The following NET1 variants were observed in gnomAD, a reference collection of about 807,000 sequenced individuals.
NET1 encodes the protein neuroepithelial cell transforming 1, also known as neuroepithelial cell-transforming gene 1 protein.
A neutral mutation model predicts 61.1 loss-of-function variants in NET1; 42 were observed. That is an observed-to-expected ratio of 0.69 (90% CI 0.54 to 0.89). The LOEUF is 0.89. NET1 is among the 40% of genes least tolerant of loss of function. The probability of loss-of-function intolerance (pLI) is 0.00; values close to 1 mark genes in which losing one functional copy is unlikely to be tolerated. For synonymous variants in NET1, 254 were observed against 281.8 expected, an observed-to-expected ratio of 0.90 and a Z score of 0.99; for missense variants, 654 against 747.3, an observed-to-expected ratio of 0.88 and a Z score of 1.46.
chr10:5,456,090 CTTTA>C lies in NET1; in HGVS notation c.1202_1205del (p.Leu401ProfsTer11). 6.2e-7 allele frequency: 1 copy of C among 1,609,520 alleles called. No homozygotes were observed. The highest frequency in any genetic ancestry group is 8.5e-7 in the Non-Finnish European group (1 of 1,177,622). On this transcript the variant is annotated frameshift_variant, in exon 11 of 12. Transcript: ENST00000355029. LOFTEE classifies it high-confidence loss of function. The surrounding 1 kb of genome is among the most constrained non-coding windows in gnomAD (Gnocchi z 7.0). Reference sequence around the variant, plus strand: ...CGTTTGTTTCCCATTTCTCCAGAAACTTTACATTTTCCTGTTTCAAGACATCTTG... The same window carrying C: ...CGTTTGTTTCCCATTTCTCCAGAAACCATTTTCCTGTTTCAAGACATCTTG...
rs952865779 is a variant in NET1, at chr10:5,421,205, T to C, written c.129-5450T>C. On this transcript the variant is annotated intron_variant, in intron 1 of 11. Coordinates refer to ENST00000355029, the MANE Select transcript of NET1 (RefSeq NM_001047160.3). This position sits in a 1 kb window ranked among gnomAD's most constrained non-coding sequence, Gnocchi z 4.2. Reference sequence around the variant, plus strand: ...TCTCTAAATCTCACTTCATAGTACCTATGTCTAAGGTCCTGAAAATTGGAC... The same window carrying C: ...TCTCTAAATCTCACTTCATAGTACCCATGTCTAAGGTCCTGAAAATTGGAC... 3.3e-5 allele frequency among the ~76,000 whole-genome samples: 5 copies of C among 152,226 alleles called. No homozygotes were observed. The highest frequency in any genetic ancestry group is 7.2e-5 in the African/African-American group (3 of 41,462).
rs1334852960 is a variant in NET1 at position 5,423,332 on chromosome 10, A to C, written c.129-3323A>C. 6.6e-6 allele frequency among the ~76,000 whole-genome samples: 1 copy of C among 152,192 alleles called. No individual in the cohort carries two copies. The highest frequency in any genetic ancestry group is 1.9e-4 in the East Asian group (1 of 5,198). ...GGTGACACAAATCAGAAACTCTGAA[A>C]ACATAATTTGGCTTAAGAATGAATT... On this transcript the variant is annotated intron_variant, in intron 1 of 11. Transcript: ENST00000355029. The surrounding 1 kb of genome is among the most constrained non-coding windows in gnomAD (Gnocchi z 4.4).
chr10:5,420,635 C>T lies in NET1; in HGVS notation c.129-6020C>T, dbSNP rs999024258. Among the ~76,000 whole-genome samples, 3 of 151,934 alleles carry T rather than the reference C, an allele frequency of 2.0e-5. No homozygotes were observed. Among genetic ancestry groups the T allele is most frequent in the Non-Finnish European group, 4.4e-5 (3 of 67,962 alleles). The stretch of plus-strand genomic sequence containing the variant: ...TTTTTGAGATGGAGTCTTGCTCTGT[C>T]GCCAGGCTGGAGTGCAGTGGCGCGA... On this transcript the variant is annotated intron_variant, in intron 1 of 11. Transcript: ENST00000355029. The surrounding 1 kb of genome is among the most constrained non-coding windows in gnomAD (Gnocchi z 5.3).
At position 5,452,547 on chromosome 10, in the gene NET1, A is replaced by G. The variant is rs371976879; in HGVS notation, c.531+22A>G. The G allele has an allele frequency of 5.1e-6, 8 of 1,577,980 alleles. No individual in the cohort carries two copies. The highest frequency in any genetic ancestry group is 1.2e-5 in the South Asian group (1 of 85,532). ...GGAGGTATGCTGGCACTCAGTGTAC[A>G]TGTTTTCCCAAAAGAACAGCAAATT... On this transcript the variant is annotated intron_variant, in intron 5 of 11. Transcript: ENST00000355029. The surrounding 1 kb of genome is among the most constrained non-coding windows in gnomAD (Gnocchi z 4.0).
chr10:5,458,648 G>A lies in NET1; in HGVS notation c.*1654G>A, dbSNP rs550433368. On this transcript the variant is annotated 3_prime_UTR_variant, in exon 12 of 12. Coordinates refer to ENST00000355029, the MANE Select transcript of NET1 (RefSeq NM_001047160.3). The surrounding 1 kb of genome is among the most constrained non-coding windows in gnomAD (Gnocchi z 4.5). ...TGTTAGGAAATCTTTTAAGAACATG[G>A]TGTAATCAGACACAGCAATTGTATT... Among the ~76,000 whole-genome samples the A allele has an allele frequency of 8.5e-4, 129 of 152,272 alleles. No homozygotes were observed. The highest frequency in any genetic ancestry group is 1.4e-3 in the Admixed American group (21 of 15,290).
In NET1 at chr10:5,456,448, A is replaced by G; in HGVS notation, c.1385-140A>G. The G allele has an allele frequency of 9.5e-7, 1 of 1,052,442 alleles. No individual in the cohort carries two copies. The highest frequency in any genetic ancestry group is 2.6e-5 in the East Asian group (1 of 38,412). 65.2% of individuals were successfully genotyped at this position (1,052,442 alleles called of 1,614,324 possible). A position where few individuals can be genotyped will look rare whatever the true frequency, so the allele number is the denominator to read the frequency against. ...CACCCGCAGGTGTATCTAAGAAATA[A>G]TGCATAGGCTTAATGTATTCACATT... is the stretch of plus-strand genomic sequence containing the variant. On this transcript the variant is annotated intron_variant, in intron 11 of 11. Transcript: ENST00000355029. The surrounding 1 kb of genome is among the most constrained non-coding windows in gnomAD (Gnocchi z 7.0).
In NET1 at chr10:5,452,547, A is replaced by T. The variant is rs371976879; in HGVS notation, c.531+22A>T. On this transcript the variant is annotated intron_variant, in intron 5 of 11. Coordinates refer to ENST00000355029, the MANE Select transcript of NET1 (RefSeq NM_001047160.3). The surrounding 1 kb of genome is among the most constrained non-coding windows in gnomAD (Gnocchi z 4.0). ...GGAGGTATGCTGGCACTCAGTGTAC[A>T]TGTTTTCCCAAAAGAACAGCAAATT... The T allele has an allele frequency of 6.3e-7, 1 of 1,578,098 alleles. No individual in the cohort carries two copies. The highest frequency in any genetic ancestry group is 8.6e-7 in the Non-Finnish European group (1 of 1,162,714).
Position 5,421,839 on chromosome 10 carries a change from T to G in NET1, c.129-4816T>G, listed in dbSNP as rs1438347523. Among the ~76,000 whole-genome samples, 2 of 152,224 alleles carry G rather than the reference T, an allele frequency of 1.3e-5. No homozygotes were observed. Among genetic ancestry groups the G allele is most frequent in the African/African-American group, 4.8e-5 (2 of 41,454 alleles). ...GCTTTCTAGCTCTATAAATTTCTAT[T>G]TTCAGGACATACAAGTGGAATCATA... On this transcript the variant is annotated intron_variant, in intron 1 of 11. Transcript: ENST00000355029. The surrounding 1 kb of genome is among the most constrained non-coding windows in gnomAD (Gnocchi z 4.2).
Position 5,446,616 on chromosome 10 carries a change from T to C in NET1, c.256-5214T>C. ...TTGCTGCCTGCGGCTCTCAGAAGCC[T>C]CTGCTCCACCGCGGCGAGAGGCATG... On this transcript the variant is annotated intron_variant, in intron 3 of 11. Coordinates refer to ENST00000355029, the MANE Select transcript of NET1 (RefSeq NM_001047160.3). The surrounding 1 kb of genome is among the most constrained non-coding windows in gnomAD (Gnocchi z 5.0). 2.4e-6 allele frequency: 3 copies of C among 1,252,270 alleles called. No individual in the cohort carries two copies. Among genetic ancestry groups the C allele is most frequent in the Non-Finnish European group, 3.0e-6 (3 of 994,970 alleles). 77.6% of individuals were successfully genotyped at this position (1,252,270 alleles called of 1,614,324 possible).
Position 5,453,428 on chromosome 10 carries a change from T to C in NET1, c.692-56T>C. On this transcript the variant is annotated intron_variant, in intron 7 of 11. Coordinates refer to ENST00000355029, the MANE Select transcript of NET1 (RefSeq NM_001047160.3). The surrounding 1 kb of genome is among the most constrained non-coding windows in gnomAD (Gnocchi z 4.9). ...TCAGTCTAAACTTCTAATGTAGTGC[T>C]GACCTATTTTTTAAATAAACCTGTT... The C allele has an allele frequency of 6.3e-7, 1 of 1,590,658 alleles. No homozygotes were observed. The highest frequency in any genetic ancestry group is 8.6e-7 in the Non-Finnish European group (1 of 1,158,614).
Position 5,435,546 on chromosome 10 carries a change from TA to T in NET1, c.255+6318del, listed in dbSNP as rs1376971239. On this transcript the variant is annotated intron_variant, in intron 3 of 11. Transcript: ENST00000355029. This position sits in a 1 kb window ranked among gnomAD's most constrained non-coding sequence, Gnocchi z 5.0. ...ATAGATAGATAGACAGACAGACAGA[TA>T]GATAGATAGATAGATAAAATAGATA... Among the ~76,000 whole-genome samples, 1 of 118,290 alleles carries T rather than the reference TA, an allele frequency of 8.5e-6. No homozygotes were observed. Among genetic ancestry groups the T allele is most frequent in the African/African-American group, 3.0e-5 (1 of 33,606 alleles). The allele number at this position is 118,290 out of a possible 152,430, so 77.6% of individuals were successfully genotyped here.
chr10:5,452,697 C>G lies in NET1; in HGVS notation c.532-161C>G. 1.1e-6 allele frequency: 1 copy of G among 909,096 alleles called. No homozygotes were observed. The highest frequency in any genetic ancestry group is 1.7e-6 in the Non-Finnish European group (1 of 603,380). The allele number at this position is 909,096 out of a possible 1,614,324, so 56.3% of individuals were successfully genotyped here. A position where few individuals can be genotyped will look rare whatever the true frequency, so the allele number is the denominator to read the frequency against. On this transcript the variant is annotated intron_variant, in intron 5 of 11. Transcript: ENST00000355029. This position sits in a 1 kb window ranked among gnomAD's most constrained non-coding sequence, Gnocchi z 4.0. ...ACTCTAATAGGGTAAACTTACCAAA[C>G]ATACGGCAACCTTGTATTTGAGATT...
chr10:5,423,733 A>T lies in NET1; in HGVS notation c.129-2922A>T, dbSNP rs1157116013. Among the ~76,000 whole-genome samples the T allele has an allele frequency of 2.6e-5, 4 of 152,142 alleles. No homozygotes were observed. The highest frequency in any genetic ancestry group is 5.9e-5 in the Non-Finnish European group (4 of 68,002). ...CTCTGGAAAAATAACTTGCAATCTTAATGTTTTATGAAATCATTTTTTTCC... is the reference window on the plus strand; with the variant it reads ...CTCTGGAAAAATAACTTGCAATCTTTATGTTTTATGAAATCATTTTTTTCC... On this transcript the variant is annotated intron_variant, in intron 1 of 11. Transcript: ENST00000355029. The surrounding 1 kb of genome is among the most constrained non-coding windows in gnomAD (Gnocchi z 4.4).
Position 5,440,578 on chromosome 10 carries a change from C to T in NET1, c.256-11252C>T, listed in dbSNP as rs977136004. ...CTGATGGCTGATCTCTGCATTTTCT[C>T]CTGGTGTGCAATACTGCTTCTGACT... On this transcript the variant is annotated intron_variant, in intron 3 of 11. Coordinates refer to ENST00000355029, the MANE Select transcript of NET1 (RefSeq NM_001047160.3). This position sits in a 1 kb window ranked among gnomAD's most constrained non-coding sequence, Gnocchi z 4.1. Among the ~76,000 whole-genome samples, 45 of 152,158 alleles carry T rather than the reference C, an allele frequency of 3.0e-4. No homozygotes were observed. Among genetic ancestry groups the T allele is most frequent in the Non-Finnish European group, 5.0e-4 (34 of 68,034 alleles).
Position 5,453,223 on chromosome 10 carries a change from CTG to C in NET1, c.595-24_595-23del. ...CTCATGTTTTCCTCACATGATCTCTCTGTGACACATTTCTCCCCTCTGACAGG... is the reference window on the plus strand; with the variant it reads ...CTCATGTTTTCCTCACATGATCTCTCTGACACATTTCTCCCCTCTGACAGG... On this transcript the variant is annotated intron_variant, in intron 6 of 11. Coordinates refer to ENST00000355029, the MANE Select transcript of NET1 (RefSeq NM_001047160.3). The surrounding 1 kb of genome is among the most constrained non-coding windows in gnomAD (Gnocchi z 4.9). 1 of 1,263,440 alleles carries C rather than the reference CTG, an allele frequency of 7.9e-7. No individual in the cohort carries two copies. The highest frequency in any genetic ancestry group is 1.5e-5 in the African/African-American group (1 of 68,288). The allele number at this position is 1,263,440 out of a possible 1,614,324, so 78.3% of individuals were successfully genotyped here.
rs1832766805 is a variant in NET1 at position 5,454,582 on chromosome 10, A to G, written c.1026+60A>G. 1.9e-6 allele frequency: 3 copies of G among 1,544,452 alleles called. No individual in the cohort carries two copies. The highest frequency in any genetic ancestry group is 4.0e-5 in the Admixed American group (2 of 50,032). On this transcript the variant is annotated intron_variant, in intron 9 of 11. Transcript: ENST00000355029. The surrounding 1 kb of genome is among the most constrained non-coding windows in gnomAD (Gnocchi z 8.1). The stretch of plus-strand genomic sequence containing the variant: ...AAGTTTATACATTAGGCTGCTTTAG[A>G]ACGTTATCTTCTGAAGATGCTGATT...
At position 5,420,522 on chromosome 10, in the gene NET1, A is replaced by G. The variant is rs1434135226; in HGVS notation, c.129-6133A>G. On this transcript the variant is annotated intron_variant, in intron 1 of 11. Transcript: ENST00000355029. This position sits in a 1 kb window ranked among gnomAD's most constrained non-coding sequence, Gnocchi z 5.3. Reference sequence around the variant, plus strand: ...TTTCTATGTAGATATTCCCTACAATATGACAGGCCTCTTAACGTCTTTCTC... The same window carrying G: ...TTTCTATGTAGATATTCCCTACAATGTGACAGGCCTCTTAACGTCTTTCTC... 6.6e-6 allele frequency among the ~76,000 whole-genome samples: 1 copy of G among 152,222 alleles called. No individual in the cohort carries two copies. Among genetic ancestry groups the G allele is most frequent in the East Asian group, 1.9e-4 (1 of 5,200 alleles).
At chr10:5,432,475 CAT>C (rs1247273038) in intron 3 of NET1, among the ~76,000 whole-genome samples, 2 of 152,126 alleles carry the variant, frequency 1.3e-5, no homozygotes, top group African/African-American at 4.8e-5. Context: ...TAGGTTATAA[CAT>C]AGTAGGGATG....
At position 5,454,186 on chromosome 10, in the gene NET1, G is replaced by T; in HGVS notation, c.769-79G>T. ...ACTCTCAAGAATAGCTGTACATTTT[G>T]TGTTTCATGTTTGCAGGCTTGTTAA... On this transcript the variant is annotated intron_variant, in intron 8 of 11. Coordinates refer to ENST00000355029, the MANE Select transcript of NET1 (RefSeq NM_001047160.3). This position sits in a 1 kb window ranked among gnomAD's most constrained non-coding sequence, Gnocchi z 8.1. 6 of 1,400,722 alleles carry T rather than the reference G, an allele frequency of 4.3e-6. No individual in the cohort carries two copies. The highest frequency in any genetic ancestry group is 4.9e-6 in the Non-Finnish European group (5 of 1,028,406). The allele number at this position is 1,400,722 out of a possible 1,614,324, so 86.8% of individuals were successfully genotyped here. A position where few individuals can be genotyped will look rare whatever the true frequency, so the allele number is the denominator to read the frequency against.
Sources: gnomAD v4.1 joint callset for allele counts (sites outside exome capture counted in the v4.1 genomes callset) on GRCh38, gnomAD v4.1.1 for gene constraint, Gnocchi (gnomAD v3.1) non-coding constraint, MANE v1.5 for transcripts, NCBI Gene and HGNC (gene_info 2026-07-23, HGNC 2026-07-21) for gene names.